The following GHR variants were observed in gnomAD, a reference collection of about 807,000 sequenced individuals.
GHR encodes the protein growth hormone receptor, also known as GH receptor.
In GHR, 35 loss-of-function variants were observed where a neutral mutation model predicts 67.1. That is an observed-to-expected ratio of 0.52 (90% CI 0.40 to 0.69). The LOEUF (loss-of-function observed/expected upper bound fraction) is 0.69. GHR is among the 30% of genes least tolerant of loss of function. The pLI is 0.00. For synonymous variants in GHR, 272 were observed against 269.1 expected (o/e 1.01, Z -0.10); for missense variants, 792 against 764.6 (o/e 1.04, Z -0.42).
At chr5:42,623,885 C>G (rs1753575177) in intron 2 of GHR, among the ~76,000 whole-genome samples, 1 of 152,214 alleles carries the variant, frequency 6.6e-6, no homozygotes, top group South Asian at 2.1e-4. Flanking sequence ...ATGTGATTCT[C>G]TGCTTATGGT....
chr5:42,717,546 T>C (rs141204170), intron 8 of GHR, among the ~76,000 whole-genome samples: 1 of 152,338 alleles, frequency 6.6e-6, no homozygotes, highest in African/African-American at 2.4e-5. Context: ...TCATCTTAGA[T>C]AATTTCATAA....
At chr5:42,695,476 T>C (rs556926822) in intron 5 of GHR, among the ~76,000 whole-genome samples, 65 of 152,360 alleles carry the variant, frequency 4.3e-4, no homozygotes, top group African/African-American at 1.1e-3. Context: ...CTGAAATACG[T>C]TGGCCTTTGA....
intron 1 of GHR, among the ~76,000 whole-genome samples, chr5:42,470,136 C>T (rs1050815726): frequency 4.9e-5 from 6 of 121,780 alleles, no homozygotes; most frequent in Admixed American, 8.7e-5. Flanking sequence ...TATGTTATTA[C>T]ATTAATATAC....
At chr5:42,449,099 C>T (rs868659060) in intron 1 of GHR, among the ~76,000 whole-genome samples, 92 of 151,986 alleles carry the variant, frequency 6.1e-4, no homozygotes, top group African/African-American at 2.1e-3. Context: ...TTTGCTTAGT[C>T]TTGTTTTGGC....
chr5:42,525,594 G>A (rs983053527), intron 1 of GHR, among the ~76,000 whole-genome samples: 1 of 152,166 alleles, frequency 6.6e-6, no homozygotes, highest in African/African-American at 2.4e-5. Flanking sequence ...AGGCATTATT[G>A]GTTTTAAAAT....
At chr5:42,638,248 C>A (rs1205752431) in intron 3 of GHR, among the ~76,000 whole-genome samples, 1 of 152,064 alleles carries the variant, frequency 6.6e-6, no homozygotes, top group Non-Finnish European at 1.5e-5. Context: ...AGGAACTAAT[C>A]ATCAAGTTTG....
At chr5:42,642,482 G>T (rs1414130137) in intron 3 of GHR, among the ~76,000 whole-genome samples, 2 of 152,072 alleles carry the variant, frequency 1.3e-5, no homozygotes, top group Non-Finnish European at 2.9e-5. Flanking sequence ...GGTGAGTGTA[G>T]ACCACAGCAA....
intron 3 of GHR, among the ~76,000 whole-genome samples, chr5:42,659,707 C>G (rs1157757909): frequency 1.3e-5 from 2 of 152,182 alleles, no homozygotes; most frequent in African/African-American, 4.8e-5. Flanking sequence ...TTCTGCATTT[C>G]CATCTGAGCT....
At chr5:42,572,219 AT>A (rs989207185) in intron 2 of GHR, among the ~76,000 whole-genome samples, 1 of 152,120 alleles carries the variant, frequency 6.6e-6, no homozygotes, top group Non-Finnish European at 1.5e-5. Flanking sequence ...CAATAAAGAC[AT>A]TTTTGGGGCC....
chr5:42,581,551 C>T (rs1751170183), intron 2 of GHR, among the ~76,000 whole-genome samples: 2 of 152,190 alleles, frequency 1.3e-5, no homozygotes, highest in Non-Finnish European at 2.9e-5. Context: ...CCTCAGAGGT[C>T]CTGTATTAGA....
At chr5:42,499,790 G>A (rs1259471252) in intron 1 of GHR, among the ~76,000 whole-genome samples, 1 of 152,120 alleles carries the variant, frequency 6.6e-6, no homozygotes, top group Non-Finnish European at 1.5e-5. Context: ...TTTTGAGAAG[G>A]AGAAAGGAGA....
intron 1 of GHR, among the ~76,000 whole-genome samples, chr5:42,470,831 C>G (rs1434309644): frequency 2.0e-5 from 3 of 152,124 alleles, no homozygotes; most frequent in Non-Finnish European, 4.4e-5. Flanking sequence ...GTAAAAAATG[C>G]CACTCAGGAG....
intron 1 of GHR, among the ~76,000 whole-genome samples, chr5:42,485,753 A>G (rs1473177510): frequency 1.3e-5 from 2 of 152,178 alleles, no homozygotes; most frequent in Admixed American, 1.3e-4. Flanking sequence ...TTTTACATAG[A>G]TTCATTATTA....
intron 1 of GHR, among the ~76,000 whole-genome samples, chr5:42,527,526 T>A (rs553771811): frequency 6.6e-6 from 1 of 152,188 alleles, no homozygotes; most frequent in Non-Finnish European, 1.5e-5. Context: ...CCTAAATGTA[T>A]ATGTACCCAA....
At chr5:42,597,462 A>G (rs1752132720) in intron 2 of GHR, among the ~76,000 whole-genome samples, 1 of 152,196 alleles carries the variant, frequency 6.6e-6, no homozygotes, top group Admixed American at 6.5e-5. Flanking sequence ...TGGATCCAGT[A>G]CACCACTAGG....
At chr5:42,571,059 A>G (rs957337450) in intron 2 of GHR, among the ~76,000 whole-genome samples, 3 of 152,192 alleles carry the variant, frequency 2.0e-5, no homozygotes, top group African/African-American at 7.2e-5. Context: ...CTTCTTTTCC[A>G]TCCATTTCTA....
At chr5:42,684,197 G>A (rs564560054) in intron 3 of GHR, among the ~76,000 whole-genome samples, 16 of 152,216 alleles carry the variant, frequency 1.1e-4, no homozygotes, top group African/African-American at 2.9e-4. Flanking sequence ...TTGTAAAAGC[G>A]AAGCTGTAAA....
At chr5:42,584,078 T>C (rs1170590498) in intron 2 of GHR, among the ~76,000 whole-genome samples, 1 of 152,140 alleles carries the variant, frequency 6.6e-6, no homozygotes, top group South Asian at 2.1e-4. Context: ...GATTGTAGTA[T>C]GTCACAAAGC....
intron 2 of GHR, among the ~76,000 whole-genome samples, chr5:42,615,823 C>T (rs1753120525): frequency 6.6e-6 from 1 of 150,896 alleles, no homozygotes. Flanking sequence ...CTAAAATATA[C>T]CCACATATGC....
Sources: gnomAD v4.1 joint callset for allele counts (sites outside exome capture counted in the v4.1 genomes callset) on GRCh38, gnomAD v4.1.1 for gene constraint, MANE v1.5 for transcripts, NCBI Gene and HGNC (gene_info 2026-07-23, HGNC 2026-07-21) for gene names.